The following PRMT8 variants were observed in gnomAD, a reference collection of about 807,000 sequenced individuals.
PRMT8 encodes the protein protein arginine N-methyltransferase 8.
In PRMT8, 7 loss-of-function variants were observed where a neutral mutation model predicts 47.1. That is an observed-to-expected ratio of 0.15 (90% CI 0.08 to 0.28). The LOEUF is 0.28. PRMT8 is among the 10% of genes least tolerant of loss of function. PRMT8 has a pLI of 1.00. For synonymous variants in PRMT8, 188 were observed against 186.5 expected (o/e 1.01, Z -0.07); for missense variants, 237 against 505.4 (o/e 0.47, Z 5.09).
At chr12:3,542,020 C>CG (rs1866240585) in intron 2 of PRMT8, among the ~76,000 whole-genome samples, 1 of 139,466 alleles carries the variant, frequency 7.2e-6, no homozygotes, top group Admixed American at 7.1e-5. Context: ...TCCTAACCAT[C>CG]ATGCCATACA....
intron 1 of PRMT8, among the ~76,000 whole-genome samples, chr12:3,473,642 C>T (rs1264409644): frequency 6.6e-6 from 1 of 152,184 alleles, no homozygotes; most frequent in African/African-American, 2.4e-5. Flanking sequence ...GTCTGCACGG[C>T]CACCTGTCAC....
rs1282474159 is a variant in PRMT8 at position 3,492,903 on chromosome 12, C to T, written c.75+1203C>T. On this transcript the variant is annotated intron_variant, in intron 1 of 9. Transcript: ENST00000382622. This position sits in a 1 kb window ranked among gnomAD's most constrained non-coding sequence, Gnocchi z 7.5. ...TTCACATATGGTTACCCATATGCAG[C>T]GGGGGGCGGGGATGGGGGTGTGGCG... 6.8e-6 allele frequency among the ~76,000 whole-genome samples: 1 copy of T among 147,100 alleles called. No homozygotes were observed. The highest frequency in any genetic ancestry group is 2.5e-5 in the African/African-American group (1 of 40,144).
chr12:3,491,098 G>A, upstream of PRMT8: 1 of 921,176 alleles, frequency 1.1e-6, no homozygotes. Flanking sequence ...CGGGGGCGCT[G>A]GGGGCCCTCG....
intron 1 of PRMT8, among the ~76,000 whole-genome samples, chr12:3,434,409 A>G (rs896770614): frequency 1.3e-5 from 2 of 152,206 alleles, no homozygotes; most frequent in Non-Finnish European, 2.9e-5. Flanking sequence ...TCTCCTTGCT[A>G]TCTAAAAAAG....
At chr12:3,388,434 C>T (rs1403853758) in intron 1 of PRMT8, among the ~76,000 whole-genome samples, 1 of 152,194 alleles carries the variant, frequency 6.6e-6, no homozygotes, top group Non-Finnish European at 1.5e-5. Context: ...TGCCAGGTTT[C>T]TACATTGCGG....
chr12:3,381,849 C>A (rs945901784), intron 1 of PRMT8, among the ~76,000 whole-genome samples: 3 of 152,158 alleles, frequency 2.0e-5, no homozygotes, highest in African/African-American at 7.2e-5. Context: ...CCCTTCATAG[C>A]CACGCCCACT....
At position 3,580,970 on chromosome 12, in the gene PRMT8, C is replaced by T. The variant is rs1397363519; in HGVS notation, c.829-2088C>T. Among the ~76,000 whole-genome samples, 4 of 152,114 alleles carry T rather than the reference C, an allele frequency of 2.6e-5. No individual in the cohort carries two copies. Among genetic ancestry groups the T allele is most frequent in the African/African-American group, 7.2e-5 (3 of 41,424 alleles). On this transcript the variant is annotated intron_variant, in intron 7 of 9. Coordinates refer to ENST00000382622, the MANE Select transcript of PRMT8 (RefSeq NM_019854.5). This position sits in a 1 kb window ranked among gnomAD's most constrained non-coding sequence, Gnocchi z 4.6. ...AGGCTGACATATACTCAGTCTAAAACGTTTCCTAGATTTGAGCAATGGCCC... is the reference window on the plus strand; with the variant it reads ...AGGCTGACATATACTCAGTCTAAAATGTTTCCTAGATTTGAGCAATGGCCC...
chr12:3,517,933 C>G (rs79410743), intron 1 of PRMT8, among the ~76,000 whole-genome samples: 3,173 of 151,966 alleles, frequency 0.021, 77 homozygotes, highest in East Asian at 0.087. Flanking sequence ...ATTGAGTGTG[C>G]GAAGCTTTAA....
rs2137071531 is a variant in PRMT8 at position 3,436,705 on chromosome 12, T to A, written c.48+55263T>A. Among the ~76,000 whole-genome samples, 1 of 152,310 alleles carries A rather than the reference T, an allele frequency of 6.6e-6. No homozygotes were observed. The highest frequency in any genetic ancestry group is 1.9e-4 in the East Asian group (1 of 5,174). On this transcript the variant is annotated intron_variant, in intron 1 of 9. Coordinates refer to the PRMT8 transcript ENST00000452611. The surrounding 1 kb of genome is among the most constrained non-coding windows in gnomAD (Gnocchi z 4.2). Reference sequence around the variant, plus strand: ...GTGCTGCCTGGAAATGCAAAAGCCATGAGTCGGTTAAACATCAAGGTGAAG... The same window carrying A: ...GTGCTGCCTGGAAATGCAAAAGCCAAGAGTCGGTTAAACATCAAGGTGAAG...
chr12:3,484,205 G>A (rs7974576), intron 1 of PRMT8, among the ~76,000 whole-genome samples: 15,999 of 152,182 alleles, frequency 0.11, 928 homozygotes, highest in African/African-American at 0.14. Context: ...CATCAGAGTT[G>A]AATTTTGATT....
At position 3,553,714 on chromosome 12, in the gene PRMT8, A is replaced by C; in HGVS notation, c.481A>C (p.Ile161Leu). 4 of 1,582,092 alleles carry C rather than the reference A, an allele frequency of 2.5e-6. No individual in the cohort carries two copies. Among genetic ancestry groups the C allele is most frequent in the Non-Finnish European group, 3.5e-6 (4 of 1,150,958 alleles). The change falls in exon 4 of 10, where the codon ATC (isoleucine) becomes CTC (leucine). Residue 161 changes from isoleucine to leucine, a missense_variant and splice_region_variant. Ile to Leu is a conservative substitution (Grantham distance 5, BLOSUM62 2). Coordinates refer to ENST00000382622, the MANE Select transcript of PRMT8 (RefSeq NM_019854.5). ...KIIKANHLDN[I>L]ITIFKGKVEE... The stretch of plus-strand genomic sequence containing the variant: ...CATTAAGGCCAACCACTTGGACAAC[A>C]GTAAGACATACCTCTGAGTGTTTTC...
chr12:3,397,451 T>G (rs1408996265), intron 1 of PRMT8, among the ~76,000 whole-genome samples: 1 of 150,636 alleles, frequency 6.6e-6, no homozygotes, highest in African/African-American at 2.5e-5. Context: ...CAGCTGCAGG[T>G]CTGTTGGAGT....
intron 1 of PRMT8, among the ~76,000 whole-genome samples, chr12:3,389,463 TTTCC>T (rs1195675567): frequency 6.6e-6 from 1 of 152,180 alleles, no homozygotes; most frequent in African/African-American, 2.4e-5. Flanking sequence ...TCGCTCATTC[TTTCC>T]TTCCTTCCTT....
intron 1 of PRMT8, among the ~76,000 whole-genome samples, chr12:3,524,856 G>A (rs1051569719): frequency 1.3e-5 from 2 of 152,136 alleles, no homozygotes; most frequent in Non-Finnish European, 2.9e-5. Context: ...CGCTTTCACT[G>A]TTCTCCAAGT....
intron 4 of PRMT8, among the ~76,000 whole-genome samples, chr12:3,568,037 A>T (rs1394458103): frequency 6.6e-6 from 1 of 150,744 alleles, no homozygotes; most frequent in Non-Finnish European, 1.5e-5. Context: ...ACGCCACTGC[A>T]CTCCAGCCTG....
In PRMT8 at chr12:3,404,184, T is replaced by G. The variant is rs138057277; in HGVS notation, c.48+22742T>G. 3.1e-3 allele frequency among the ~76,000 whole-genome samples: 471 copies of G among 152,262 alleles called. 4 individuals are homozygous for G. The highest frequency in any genetic ancestry group is 2.7e-3 in the Non-Finnish European group (187 of 68,014). On this transcript the variant is annotated intron_variant, in intron 1 of 9. Coordinates refer to the PRMT8 transcript ENST00000452611. The stretch of plus-strand genomic sequence containing the variant: ...CCATTGATAATTATTTTTCTGAAAT[T>G]GGTATGTATACTTCCTGTTCAGAAG...
At position 3,553,638 on chromosome 12, in the gene PRMT8, A is replaced by G. The variant is rs1482557197; in HGVS notation, c.418-13A>G. The stretch of plus-strand genomic sequence containing the variant: ...TTTTGACGCCTTGCTCCTTTGTCCT[A>G]TGCCCTTTCCAGATCGAATGCTCCA... On this transcript the variant is annotated splice_polypyrimidine_tract_variant and intron_variant, in intron 3 of 9. Coordinates refer to ENST00000382622, the MANE Select transcript of PRMT8 (RefSeq NM_019854.5). 8 of 1,595,816 alleles carry G rather than the reference A, an allele frequency of 5.0e-6. No individual in the cohort carries two copies. The highest frequency in any genetic ancestry group is 1.7e-4 in the Middle Eastern group (1 of 6,038).
In PRMT8 at chr12:3,589,755, A is replaced by C. The variant is rs12314186; in HGVS notation, c.980-2476A>C. Among the ~76,000 whole-genome samples, 1,138 of 152,288 alleles carry C rather than the reference A, an allele frequency of 7.5e-3. 18 individuals carry two copies. Among genetic ancestry groups the C allele is most frequent in the African/African-American group, 0.025 (1,042 of 41,544 alleles). ...GAAAATAATCATCTTCCTCCAACTCAAAGTCGGCATGTTTTGGGGACTACC... is the reference window on the plus strand; with the variant it reads ...GAAAATAATCATCTTCCTCCAACTCCAAGTCGGCATGTTTTGGGGACTACC... On this transcript the variant is annotated intron_variant, in intron 8 of 9. Coordinates refer to ENST00000382622, the MANE Select transcript of PRMT8 (RefSeq NM_019854.5).
At chr12:3,529,543 A>G (rs1364956235) in intron 1 of PRMT8, among the ~76,000 whole-genome samples, 1 of 152,140 alleles carries the variant, frequency 6.6e-6, no homozygotes, top group Admixed American at 6.5e-5. Context: ...GTGAGTGTGT[A>G]CATTGGAATT....
Sources: allele counts gnomAD v4.1 joint callset (sites outside exome capture counted in the v4.1 genomes callset), GRCh38; gene constraint gnomAD v4.1.1; non-coding constraint Gnocchi (gnomAD v3.1); transcripts MANE v1.5; gene names NCBI Gene and HGNC (gene_info 2026-07-23, HGNC 2026-07-21).